CAMTA1: variants seen among roughly 807,000 people sequenced by gnomAD.
CAMTA1 encodes calmodulin binding transcription activator 1.
Under a neutral mutation model 170.9 loss-of-function variants are expected in CAMTA1, and 27 were observed. The ratio of observed to expected loss-of-function variants is 0.16; its 90% confidence interval spans 0.12 to 0.22. The LOEUF (loss-of-function observed/expected upper bound fraction) is 0.22. Among genes scored for constraint, CAMTA1 ranks in the 10% least tolerant of loss-of-function variants. The pLI is 1.00. For synonymous variants in CAMTA1, 833 were observed against 891.5 expected (o/e 0.93, Z 1.17); for missense variants, 1,619 against 2,217.2 (o/e 0.73, Z 5.42).
At chr1:6,975,301 C>T (rs192477216) in intron 3 of CAMTA1, among the ~76,000 whole-genome samples, 5 of 152,266 alleles carry the variant, frequency 3.3e-5, no homozygotes, top group Non-Finnish European at 2.9e-5. Flanking sequence ...CTGAAAATTT[C>T]GGTAAAAATT....
At chr1:7,374,065 C>A (rs899050950) in intron 5 of CAMTA1, among the ~76,000 whole-genome samples, 18 of 152,342 alleles carry the variant, frequency 1.2e-4, no homozygotes, top group East Asian at 1.9e-4. Flanking sequence ...GCCTCCCCGC[C>A]TCACTGGCAA....
At chr1:7,611,201 C>A (rs1350568896) in intron 6 of CAMTA1, among the ~76,000 whole-genome samples, 1 of 152,188 alleles carries the variant, frequency 6.6e-6, no homozygotes, top group Non-Finnish European at 1.5e-5. Flanking sequence ...GGATAAGAGA[C>A]CAGGGCCCAC....
In CAMTA1 at chr1:6,918,689, T is replaced by G. The variant is rs571624066; in HGVS notation, c.234+93479T>G. On this transcript the variant is annotated intron_variant, in intron 3 of 22. Coordinates refer to ENST00000303635, the MANE Select transcript of CAMTA1 (RefSeq NM_015215.4). The surrounding 1 kb of genome is among the most constrained non-coding windows in gnomAD (Gnocchi z 4.0). The stretch of plus-strand genomic sequence containing the variant: ...GCACATCTCTGCCCATGACAGGAGT[T>G]GGGCAGAGGGAGGGGAGGCTGGGCT... 6.6e-6 allele frequency among the ~76,000 whole-genome samples: 1 copy of G among 152,280 alleles called. No homozygotes were observed. Among genetic ancestry groups the G allele is most frequent in the African/African-American group, 2.4e-5 (1 of 41,580 alleles).
At chr1:7,284,112 C>T (rs56116138) in intron 5 of CAMTA1, among the ~76,000 whole-genome samples, 1,782 of 150,524 alleles carry the variant, frequency 0.012, 45 homozygotes, top group African/African-American at 0.041. Context: ...AATGCTGTTT[C>T]GGTATTTGCT....
intron 11 of CAMTA1, among the ~76,000 whole-genome samples, chr1:7,697,055 T>A (rs2096383876): frequency 6.6e-6 from 1 of 152,162 alleles, no homozygotes; most frequent in Non-Finnish European, 1.5e-5. Flanking sequence ...TGTACCTGTG[T>A]GGGATTACTC....
At chr1:7,049,365 C>T (rs1705927603) in intron 3 of CAMTA1, among the ~76,000 whole-genome samples, 1 of 152,184 alleles carries the variant, frequency 6.6e-6, no homozygotes, top group African/African-American at 2.4e-5. Flanking sequence ...TCACGTACAT[C>T]CTCTATTCTG....
Position 6,926,474 on chromosome 1 carries a change from T to TTCTTTCTTTCTC in CAMTA1, c.234+101275_234+101276insCTCTTTCTTTCT, listed in dbSNP as rs1157200456. Among the ~76,000 whole-genome samples, 4 of 137,912 alleles carry TTCTTTCTTTCTC rather than the reference T, an allele frequency of 2.9e-5. No homozygotes were observed. In the East Asian group the frequency reaches 9.2e-4, roughly 32 times the overall value. 90.5% of individuals were successfully genotyped at this position (137,912 alleles called of 152,430 possible). On this transcript the variant is annotated intron_variant, in intron 3 of 22. Coordinates refer to ENST00000303635, the MANE Select transcript of CAMTA1 (RefSeq NM_015215.4). ...TTTCTTTCTTTCTTTCTTTCTTTCT[T>TTCTTTCTTTCTC]TCTTTCTTTCTTTCTCTCTCTCTTT... is the stretch of plus-strand genomic sequence containing the variant.
chr1:7,207,666 G>A (rs1007507200), intron 4 of CAMTA1, among the ~76,000 whole-genome samples: 10 of 152,100 alleles, frequency 6.6e-5, no homozygotes, highest in Non-Finnish European at 1.2e-4. Context: ...TTGTGGCCTT[G>A]ACTCAGGTGT....
chr1:7,709,956 T>G (rs1043282418), intron 11 of CAMTA1, among the ~76,000 whole-genome samples: 9 of 152,208 alleles, frequency 5.9e-5, no homozygotes, highest in Non-Finnish European at 1.2e-4. Context: ...GACCACAGTT[T>G]AAAAAAGTTG....
At chr1:6,840,620 C>T (rs951136425) in intron 3 of CAMTA1, among the ~76,000 whole-genome samples, 1 of 152,144 alleles carries the variant, frequency 6.6e-6, no homozygotes, top group Admixed American at 6.5e-5. Flanking sequence ...GAATAGGCAA[C>T]TTCCATAAGT....
chr1:7,368,436 G>T (rs191706453), intron 5 of CAMTA1, among the ~76,000 whole-genome samples: 1 of 151,858 alleles, frequency 6.6e-6, no homozygotes, highest in Non-Finnish European at 1.5e-5. Context: ...GGCACTCATG[G>T]TTTCATTGGG....
intron 5 of CAMTA1, among the ~76,000 whole-genome samples, chr1:7,440,132 C>T (rs999385422): frequency 1.6e-4 from 24 of 152,244 alleles, no homozygotes; most frequent in Non-Finnish European, 2.2e-4. Context: ...GTGGCATAGG[C>T]GAGAGGGCAG....
chr1:7,550,104 G>GT (rs2094778596), intron 6 of CAMTA1, among the ~76,000 whole-genome samples: 1 of 152,008 alleles, frequency 6.6e-6, no homozygotes, highest in South Asian at 2.1e-4. Context: ...GAGAGGGTGA[G>GT]TTTCTGGGAG....
chr1:7,413,792 G>C (rs970029942), intron 5 of CAMTA1, among the ~76,000 whole-genome samples: 1 of 151,950 alleles, frequency 6.6e-6, no homozygotes, highest in Non-Finnish European at 1.5e-5. Flanking sequence ...TCCAACACTA[G>C]GTTGAATAGG....
intron 4 of CAMTA1, among the ~76,000 whole-genome samples, chr1:7,149,079 C>T (rs1283077656): frequency 6.6e-6 from 1 of 152,200 alleles, no homozygotes; most frequent in African/African-American, 2.4e-5. Flanking sequence ...CTTCCAGCTG[C>T]CCAGGGATTG....
intron 11 of CAMTA1, among the ~76,000 whole-genome samples, chr1:7,721,926 T>C (rs376437483): frequency 5.3e-5 from 8 of 152,270 alleles, no homozygotes; most frequent in South Asian, 2.1e-4. Context: ...AGGAGGGACT[T>C]AATTTTTTAA....
At chr1:7,480,739 G>GCCTT (rs2093517440) in intron 6 of CAMTA1, among the ~76,000 whole-genome samples, 1 of 152,022 alleles carries the variant, frequency 6.6e-6, no homozygotes, top group South Asian at 2.1e-4. Context: ...AGCTGCTGAG[G>GCCTT]CCTTCTCTTC....
In CAMTA1 at chr1:7,532,337, T is replaced by G. The variant is rs980566564; in HGVS notation, c.510+64436T>G. ...TTTTTTTTAGAGACAGATTTCACTC[T>G]GTTGCCCAGACTGGAGTGCAGTGGT... is the stretch of plus-strand genomic sequence containing the variant. On this transcript the variant is annotated intron_variant, in intron 6 of 22. Coordinates refer to ENST00000303635, the MANE Select transcript of CAMTA1 (RefSeq NM_015215.4). The surrounding 1 kb of genome is among the most constrained non-coding windows in gnomAD (Gnocchi z 4.2). Among the ~76,000 whole-genome samples, 1 of 152,176 alleles carries G rather than the reference T, an allele frequency of 6.6e-6. No homozygotes were observed. Among genetic ancestry groups the G allele is most frequent in the Non-Finnish European group, 1.5e-5 (1 of 68,018 alleles).
At chr1:6,843,110 A>G (rs1194003312) in intron 3 of CAMTA1, among the ~76,000 whole-genome samples, 1 of 152,218 alleles carries the variant, frequency 6.6e-6, no homozygotes, top group Non-Finnish European at 1.5e-5. Flanking sequence ...GGTAGGGCAC[A>G]GTTTGTTCAT....
Sources: gnomAD v4.1 joint callset for allele counts (sites outside exome capture counted in the v4.1 genomes callset) on GRCh38, gnomAD v4.1.1 for gene constraint, Gnocchi (gnomAD v3.1) non-coding constraint, MANE v1.5 for transcripts, NCBI Gene and HGNC (gene_info 2026-07-23, HGNC 2026-07-21) for gene names.